SPTLC1: variants seen among roughly 807,000 people sequenced by gnomAD.
SPTLC1 encodes the protein serine palmitoyltransferase 1.
In SPTLC1, 55 loss-of-function variants were observed where a neutral mutation model predicts 68.9. The observed-to-expected ratio is 0.80, with a 90% CI of 0.64 to 1.00. SPTLC1 has a LOEUF of 1.00. Ranked by LOEUF, SPTLC1 falls within the 50% of genes least tolerant of loss-of-function variation. The pLI is 0.00. For synonymous variants in SPTLC1, 197 were observed against 201.6 expected (o/e 0.98, Z 0.19); for missense variants, 449 against 573.1 (o/e 0.78, Z 2.21).
intron 3 of SPTLC1, among the ~76,000 whole-genome samples, chr9:92,097,231 G>A (rs1395718810): frequency 1.3e-5 from 2 of 152,190 alleles, no homozygotes; most frequent in Admixed American, 6.5e-5. Context: ...ATAAAATGAT[G>A]CAACCACTTT....
chr9:92,038,597 C>T (rs755864253), intron 12 of SPTLC1: 25 of 536,880 alleles, frequency 4.7e-5, no homozygotes, highest in South Asian at 1.6e-4. Flanking sequence ...AGTGCAGGAC[C>T]GGGTCTCATG....
chr9:92,109,323 T>C (rs1271713244), intron 2 of SPTLC1: 2 of 170,074 alleles, frequency 1.2e-5, no homozygotes, highest in African/African-American at 4.8e-5. Flanking sequence ...ATCACTCCAG[T>C]TTAGCACCAA....
At chr9:92,080,749 AGGCTGG>A in intron 4 of SPTLC1, 115 bp downstream of exon 4, 1 of 783,392 alleles carries the variant, frequency 1.3e-6, no homozygotes. Flanking sequence ...CATGTTGGCC[AGGCTGG>A]TCTTAAACTC....
intron 8 of SPTLC1, among the ~76,000 whole-genome samples, chr9:92,054,491 C>T (rs192652093): frequency 7.1e-4 from 108 of 152,198 alleles, no homozygotes; most frequent in African/African-American, 2.4e-3. Context: ...AAAAATATTC[C>T]GTATCTTGAC....
At chr9:92,114,222 C>T (rs1170852111) in intron 1 of SPTLC1, among the ~76,000 whole-genome samples, 2 of 151,922 alleles carry the variant, frequency 1.3e-5, no homozygotes, top group African/African-American at 2.4e-5. Flanking sequence ...GTGAGCTGAT[C>T]GCACCACTGC....
chr9:92,043,655 C>T (rs1217191592), intron 12 of SPTLC1, among the ~76,000 whole-genome samples: 1 of 152,174 alleles, frequency 6.6e-6, no homozygotes, highest in Non-Finnish European at 1.5e-5. Flanking sequence ...CAGAAGATAC[C>T]CAGAATCCAG....
chr9:92,084,985 G>C (rs1248285551), intron 3 of SPTLC1, among the ~76,000 whole-genome samples: 8 of 152,022 alleles, frequency 5.3e-5, no homozygotes, highest in African/African-American at 1.9e-4. Context: ...TGTATGTGTC[G>C]AGGAATTTAT....
At chr9:92,098,398 C>A (rs1250223930) in intron 3 of SPTLC1, among the ~76,000 whole-genome samples, 1 of 151,912 alleles carries the variant, frequency 6.6e-6, no homozygotes, top group Non-Finnish European at 1.5e-5. Flanking sequence ...GACCAGTGAA[C>A]CTCGCCCGAG....
chr9:92,100,810 G>T (rs1358933181), intron 3 of SPTLC1, among the ~76,000 whole-genome samples: 3 of 149,494 alleles, frequency 2.0e-5, no homozygotes, highest in Non-Finnish European at 3.0e-5. Context: ...ACACTCACAG[G>T]TATCACCAAA....
chr9:92,072,302 ATCTC>A (rs1257418572), intron 5 of SPTLC1, among the ~76,000 whole-genome samples: 1 of 151,824 alleles, frequency 6.6e-6, no homozygotes, highest in African/African-American at 2.4e-5. Flanking sequence ...GTCTCTCCTC[ATCTC>A]TCTCCCTCTT....
chr9:92,033,103 T>C (rs1032661110), intron 14 of SPTLC1, among the ~76,000 whole-genome samples: 3 of 151,944 alleles, frequency 2.0e-5, no homozygotes, highest in Non-Finnish European at 2.9e-5. Flanking sequence ...CGGCAGGGAA[T>C]CTGCAGCCTG....
intron 8 of SPTLC1, chr9:92,050,935 C>T (rs1833686404): frequency 1.0e-6 from 1 of 966,592 alleles, no homozygotes; most frequent in South Asian, 4.8e-5. Flanking sequence ...ACCTCCGCCA[C>T]CCAAAGTGTT....
intron 8 of SPTLC1, chr9:92,050,810 G>GTTTTTTTTTTTTTTTT (rs1564088122): frequency 1.4e-5 from 1 of 72,266 alleles, no homozygotes; most frequent in African/African-American, 1.3e-4. Flanking sequence ...GCACAATACT[G>GTTTTTTTTTTTTTTTT]ATTTTTTTTT....
chr9:92,064,581 A>G (rs1425915633), intron 6 of SPTLC1, among the ~76,000 whole-genome samples: 1 of 152,230 alleles, frequency 6.6e-6, no homozygotes, highest in Non-Finnish European at 1.5e-5. Context: ...CAATACTATA[A>G]ACATAGCAAC....
intron 7 of SPTLC1, 21 bp from the exon 8 acceptor site, chr9:92,055,515 A>T (rs758615074): frequency 6.2e-7 from 1 of 1,610,486 alleles, no homozygotes; most frequent in Non-Finnish European, 8.5e-7. Context: ...GAAAAAGCAG[A>T]CATCTTACAT....
At chr9:92,078,319 C>A (rs1172142071) in intron 5 of SPTLC1, among the ~76,000 whole-genome samples, 1 of 152,138 alleles carries the variant, frequency 6.6e-6, no homozygotes, top group Non-Finnish European at 1.5e-5. Flanking sequence ...CTAATACCTG[C>A]CAAGAAAATA....
intron 3 of SPTLC1, among the ~76,000 whole-genome samples, chr9:92,103,645 T>C (rs552230724): frequency 6.6e-6 from 1 of 152,270 alleles, no homozygotes; most frequent in African/African-American, 2.4e-5. Flanking sequence ...CGTCCTCTCT[T>C]TGGAAACCTG....
intron 3 of SPTLC1, among the ~76,000 whole-genome samples, chr9:92,092,813 C>T (rs1475580071): frequency 6.6e-6 from 1 of 152,172 alleles, no homozygotes; most frequent in Non-Finnish European, 1.5e-5. Context: ...CAGAAAAGTT[C>T]ATTATGCCTC....
intron 8 of SPTLC1, among the ~76,000 whole-genome samples, chr9:92,051,529 G>A (rs1587920089): frequency 6.6e-6 from 1 of 152,318 alleles, no homozygotes; most frequent in Admixed American, 6.5e-5. Context: ...CTCAATGGTA[G>A]AAGACTGAAA....
Sources: allele counts gnomAD v4.1 joint callset (sites outside exome capture counted in the v4.1 genomes callset), GRCh38; gene constraint gnomAD v4.1.1; transcripts MANE v1.5; gene names NCBI Gene and HGNC (gene_info 2026-07-23, HGNC 2026-07-21).